CHD1L: variants seen among roughly 807,000 people sequenced by gnomAD.
CHD1L encodes chromodomain helicase DNA binding protein 1 like.
In CHD1L, 118 loss-of-function variants were observed where a neutral mutation model predicts 115.9. That is an observed-to-expected ratio of 1.02 (90% CI 0.88 to 1.19). CHD1L has a LOEUF of 1.19. Ranked by LOEUF, CHD1L falls within the 50% of genes most tolerant of loss-of-function variation. CHD1L has a pLI of 0.00. For missense variants in CHD1L, 1,179 were observed against 1,065.3 expected, an observed-to-expected ratio of 1.11 and a Z score of -1.49; for synonymous variants, 411 against 387.1, an observed-to-expected ratio of 1.06 and a Z score of -0.72.
chr1:147,179,318 A>T, the CHD1L span: 3 of 1,608,010 alleles, frequency 1.9e-6, no homozygotes, highest in East Asian at 2.2e-5. Flanking sequence ...ATTGAATTTT[A>T]TGCCCCTTGG....
chr1:147,229,539 T>A, the CHD1L span, among the ~76,000 whole-genome samples: 1 of 152,236 alleles, frequency 6.6e-6, no homozygotes, highest in Non-Finnish European at 1.5e-5. Context: ...TTTCCAGTTC[T>A]GTGAAGAAAG....
At chr1:147,209,446 A>AAAAAG in the CHD1L span, among the ~76,000 whole-genome samples, 2 of 151,580 alleles carry the variant, frequency 1.3e-5, no homozygotes, top group South Asian at 4.2e-4. Context: ...TCAAAAAAAA[A>AAAAAG]AAAAAAAAGA....
chr1:147,172,779 G>C, the CHD1L span: 8 of 152,300 alleles, frequency 5.3e-5, no homozygotes, highest in Admixed American at 2.0e-4. Flanking sequence ...GAGACTACCC[G>C]GCAGAAGGGA....
At position 147,264,465 on chromosome 1, in the gene CHD1L, A is replaced by G. The variant is rs1673128870; in HGVS notation, c.620A>G (p.Gln207Arg). Residue 207 changes from glutamine (Q) to arginine (R), a missense_variant, in exon 7 of 23, where the codon CAG becomes CGG. Transcript: ENST00000369258. The part of the protein sequence containing the change: ...FSLLLTGTPI[Q>R]NSLQELYSLL... The stretch of plus-strand genomic sequence containing the variant: ...CTCCTGTTGACCGGAACTCCCATCC[A>G]GAACAGCCTCCAAGAGCTCTACTCC... 1 of 1,613,616 alleles carries G rather than the reference A, an allele frequency of 6.2e-7. No homozygotes were observed. Among genetic ancestry groups the G allele is most frequent in the Non-Finnish European group, 8.5e-7 (1 of 1,179,814 alleles).
At chr1:147,280,233 C>G in intron 15 of CHD1L, 42 bp downstream of exon 15, 1 of 1,512,626 alleles carries the variant, frequency 6.6e-7, no homozygotes, top group Non-Finnish European at 8.8e-7. Flanking sequence ...ACAACCACCC[C>G]AAGCTAGAGC....
chr1:147,277,679 A>G (rs1477718687), intron 14 of CHD1L, among the ~76,000 whole-genome samples: 2 of 152,182 alleles, frequency 1.3e-5, no homozygotes, highest in Non-Finnish European at 2.9e-5. Context: ...TTGTTTTCAC[A>G]CTAAGAGACA....
At chr1:147,237,246 T>C in the CHD1L span, among the ~76,000 whole-genome samples, 1 of 152,152 alleles carries the variant, frequency 6.6e-6, no homozygotes, top group Non-Finnish European at 1.5e-5. Flanking sequence ...CTTCTTAGCC[T>C]GCAGGAATGG....
the CHD1L span, chr1:147,186,540 T>C: frequency 3.8e-5 from 38 of 1,006,580 alleles, no homozygotes; most frequent in Non-Finnish European, 4.5e-5. Flanking sequence ...AGCGATTTTA[T>C]ACCGATGCTG....
chr1:147,225,383 A>G, the CHD1L span: 2 of 221,706 alleles, frequency 9.0e-6, no homozygotes, highest in Admixed American at 1.0e-4. Context: ...ACAACGGACA[A>G]ACAGCGAGAG....
the CHD1L span, among the ~76,000 whole-genome samples, chr1:147,221,497 T>C: frequency 1.3e-5 from 2 of 152,206 alleles, no homozygotes; most frequent in Non-Finnish European, 2.9e-5. Flanking sequence ...AATTAATGAA[T>C]GGCAAGGTCA....
chr1:147,259,131 T>G (rs1671080638), intron 5 of CHD1L: 1 of 152,244 alleles, frequency 6.6e-6, no homozygotes, highest in African/African-American at 2.4e-5. Flanking sequence ...GTATTTTGAA[T>G]TTTTCTTAAA....
chr1:147,278,515 G>T (rs587666251), intron 14 of CHD1L, among the ~76,000 whole-genome samples: 3 of 50,442 alleles, frequency 5.9e-5, no homozygotes, highest in African/African-American at 1.7e-4. Flanking sequence ...GAGCCACTGC[G>T]CCTGGGGGTA....
chr1:147,218,262 A>G, the CHD1L span, among the ~76,000 whole-genome samples: 1 of 147,318 alleles, frequency 6.8e-6, no homozygotes, highest in Admixed American at 6.8e-5. Context: ...TTTGAGATGG[A>G]GTCTCACTCT....
chr1:147,222,830 G>A, the CHD1L span, among the ~76,000 whole-genome samples: 2 of 152,156 alleles, frequency 1.3e-5, no homozygotes, highest in African/African-American at 4.8e-5. Flanking sequence ...TTGATAATCA[G>A]ACAAGATGAT....
At chr1:147,290,474 C>G (rs1685077621) in intron 19 of CHD1L, among the ~76,000 whole-genome samples, 2 of 152,108 alleles carry the variant, frequency 1.3e-5, no homozygotes, top group South Asian at 4.1e-4. Context: ...TGGCACCACG[C>G]CGAGGTTGGG....
At position 147,256,561 on chromosome 1, in the gene CHD1L, T is replaced by C; in HGVS notation, c.493T>C (p.Ser165Pro). Residue 165 changes from serine (S) to proline (P), a missense_variant and splice_region_variant, in exon 5 of 23, where the codon TCA (serine) becomes CCA (proline). Coordinates refer to ENST00000369258, the MANE Select transcript of CHD1L (RefSeq NM_004284.6). The part of the protein sequence containing the change: ...ICLKDASFLK[S>P]FPWSVLVVDE... ...CTTGAAAGATGCATCATTTCTAAAATCGTGAGTAGGTTGTACTATTTAAGA... is the reference window on the plus strand; with the variant it reads ...CTTGAAAGATGCATCATTTCTAAAACCGTGAGTAGGTTGTACTATTTAAGA... 6.2e-7 allele frequency: 1 copy of C among 1,613,296 alleles called. No individual in the cohort carries two copies. The highest frequency in any genetic ancestry group is 8.5e-7 in the Non-Finnish European group (1 of 1,179,352).
the CHD1L span, chr1:147,208,832 C>A: frequency 6.2e-7 from 1 of 1,602,538 alleles, no homozygotes; most frequent in South Asian, 1.1e-5. Flanking sequence ...TATCCCTGCA[C>A]TCCCATCCTG....
the CHD1L span, among the ~76,000 whole-genome samples, chr1:147,183,835 A>AAAGTAACAGGCCCAGTATT: frequency 6.6e-6 from 1 of 152,170 alleles, no homozygotes; most frequent in Admixed American, 6.5e-5. Flanking sequence ...ACTCCTAACA[A>AAAGTAACAGGCCCAGTATT]AAGTAACAGG....
At chr1:147,250,222 C>G (rs955939048) in intron 1 of CHD1L, among the ~76,000 whole-genome samples, 2 of 152,132 alleles carry the variant, frequency 1.3e-5, no homozygotes, top group African/African-American at 2.4e-5. Flanking sequence ...TCTGTGTCAT[C>G]TGGGTGTTGG....
Sources: allele counts gnomAD v4.1 joint callset (sites outside exome capture counted in the v4.1 genomes callset), GRCh38; gene constraint gnomAD v4.1.1; transcripts MANE v1.5; gene names NCBI Gene and HGNC (gene_info 2026-07-23, HGNC 2026-07-21).